TSFM: variants seen among roughly 807,000 people sequenced by gnomAD.
TSFM encodes the protein elongation factor Ts, mitochondrial.
TSFM carries 29 observed loss-of-function variants against 33.4 expected under a neutral mutation model. The observed-to-expected ratio is 0.87, with a 90% CI of 0.65 to 1.18. The LOEUF (loss-of-function observed/expected upper bound fraction) is 1.18, where lower values mean the gene tolerates loss of function less well. Ranked by LOEUF, TSFM falls within the 50% of genes most tolerant of loss-of-function variation. The pLI is 0.00. For missense variants in TSFM, 394 were observed against 395.6 expected, an observed-to-expected ratio of 1.00 and a Z score of 0.04; for synonymous variants, 178 against 163.5, an observed-to-expected ratio of 1.09 and a Z score of -0.68.
chr12:57,790,105 C>G lies in TSFM; in HGVS notation c.484-2881C>G, dbSNP rs574719297. The stretch of plus-strand genomic sequence containing the variant: ...TTGAGACAGAGTGTTGCTGTGTAGC[C>G]CAGGCTGGAGTGCAGTGGCGCGATC... On this transcript the variant is annotated intron_variant, in intron 4 of 5. Coordinates refer to ENST00000652027, the MANE Select transcript of TSFM (RefSeq NM_005726.6). 1.3e-3 allele frequency among the ~76,000 whole-genome samples: 193 copies of G among 143,970 alleles called. 1 individual carries two copies. The highest frequency in any genetic ancestry group is 2.5e-3 in the Non-Finnish European group (166 of 66,648). The allele number at this position is 143,970 out of a possible 152,430, so 94.4% of individuals were successfully genotyped here.
At chr12:57,783,736 G>C in intron 2 of TSFM, 1 of 572,286 alleles carries the variant, frequency 1.7e-6, no homozygotes, top group Non-Finnish European at 3.1e-6. Context: ...TGGGATTACA[G>C]GCGTGCGCCA....
rs1358479408 is a variant in TSFM, at chr12:57,783,859, G to A, written c.231+576G>A. 12 of 667,288 alleles carry A rather than the reference G, an allele frequency of 1.8e-5. No individual in the cohort carries two copies. The East Asian group carries it at 2.2e-4, about 12-fold the overall frequency. The allele number at this position is 667,288 out of a possible 1,614,324, so 41.3% of individuals were successfully genotyped here. A position where few individuals can be genotyped will look rare whatever the true frequency, so the allele number is the denominator to read the frequency against. On this transcript the variant is annotated intron_variant, in intron 2 of 5. Coordinates refer to ENST00000652027, the MANE Select transcript of TSFM (RefSeq NM_005726.6). Reference sequence around the variant, plus strand: ...TCGAACTCCTGGCCTCAGGTGATCCGCCCGCCTCGGCTTCCCAGAGTGGTG... The same window carrying A: ...TCGAACTCCTGGCCTCAGGTGATCCACCCGCCTCGGCTTCCCAGAGTGGTG...
chr12:57,801,272 A>G (rs1276910247), downstream of TSFM: 2 of 1,408,422 alleles, frequency 1.4e-6, no homozygotes, highest in Non-Finnish European at 2.0e-6. Flanking sequence ...GGGACATCTT[A>G]GGTCTGGTCT....
chr12:57,786,832 G>C (rs1955597192), intron 3 of TSFM, among the ~76,000 whole-genome samples: 2 of 152,178 alleles, frequency 1.3e-5, no homozygotes, highest in African/African-American at 4.8e-5. Context: ...GAATATACAG[G>C]CTATTGCTAA....
At chr12:57,798,793 T>C (rs1565827324), downstream of TSFM, among the ~76,000 whole-genome samples, 2 of 152,082 alleles carry the variant, frequency 1.3e-5, no homozygotes, top group South Asian at 4.2e-4. Flanking sequence ...ATTTTTGTAT[T>C]TTTAGTACAG....
chr12:57,798,052 G>C (rs1955771497), downstream of TSFM: 1 of 1,308,204 alleles, frequency 7.6e-7, no homozygotes. Context: ...ATTGCCAACA[G>C]AAGTTGAGGA....
At chr12:57,801,125 A>G (rs1401138399), downstream of TSFM, 2 of 1,611,556 alleles carry the variant, frequency 1.2e-6, no homozygotes, top group South Asian at 2.2e-5. Flanking sequence ...GGCTTCTCCC[A>G]AGAGCGAACC....
chr12:57,796,552 GAGA>G lies in TSFM; in HGVS notation c.950_952del (p.Glu317del). The G allele has an allele frequency of 6.9e-7, 1 of 1,451,346 alleles. No homozygotes were observed. The highest frequency in any genetic ancestry group is 9.1e-7 in the Non-Finnish European group (1 of 1,096,880). The allele number at this position is 1,451,346 out of a possible 1,614,324, so 89.9% of individuals were successfully genotyped here. On this transcript the variant is annotated inframe_deletion, in exon 6 of 6. Transcript: ENST00000652027. Reference sequence around the variant, plus strand: ...GTAGACTTTGTGCGGTTTGAATGTGGAGAAGGTGAAGAGGCAGCAGAAACTGAA... The same window carrying G: ...GTAGACTTTGTGCGGTTTGAATGTGGAGGTGAAGAGGCAGCAGAAACTGAA...
downstream of TSFM, chr12:57,801,017 A>G (rs1490563598): frequency 1.4e-6 from 1 of 710,286 alleles, no homozygotes; most frequent in African/African-American, 1.8e-5. Context: ...AAGTCTTTAC[A>G]TCAAAACAGA....
At position 57,796,750 on chromosome 12, in the gene TSFM, G is replaced by T; in HGVS notation, c.*167G>T. 4 of 1,226,704 alleles carry T rather than the reference G, an allele frequency of 3.3e-6. No homozygotes were observed. Among genetic ancestry groups the T allele is most frequent in the Non-Finnish European group, 4.1e-6 (4 of 985,100 alleles). 76.0% of individuals were successfully genotyped at this position (1,226,704 alleles called of 1,614,324 possible). A position where few individuals can be genotyped will look rare whatever the true frequency, so the allele number is the denominator to read the frequency against. ...CCTTGTTTGCGTAATACTGGATTTA[G>T]CTTTTCTGTGCCTTTCAAAAACAAC... On this transcript the variant is annotated 3_prime_UTR_variant, in exon 6 of 6. Coordinates refer to ENST00000652027, the MANE Select transcript of TSFM (RefSeq NM_005726.6).
chr12:57,802,261 T>C (rs1418302797), downstream of TSFM: 6 of 1,614,086 alleles, frequency 3.7e-6, no homozygotes, highest in African/African-American at 2.7e-5. Flanking sequence ...TCTCGGCCGC[T>C]GGGGTGAGTG....
chr12:57,782,803 TGTC>T lies in TSFM; in HGVS notation c.4_6del (p.Ser2?). 1 of 1,590,588 alleles carries T rather than the reference TGTC, an allele frequency of 6.3e-7. No homozygotes were observed. Among genetic ancestry groups the T allele is most frequent in the Middle Eastern group, 1.7e-4 (1 of 6,026 alleles). On this transcript the variant is annotated start_lost and inframe_deletion, in exon 1 of 6. Transcript: ENST00000652027. The stretch of plus-strand genomic sequence containing the variant: ...AGGGTGTTTATCGCGGCTAGAGAGA[TGTC>T]GCTGCTGCGGTCGCTGCGCGTGTTT...
chr12:57,790,921 G>C (rs1022991246), intron 4 of TSFM, among the ~76,000 whole-genome samples: 18 of 151,262 alleles, frequency 1.2e-4, no homozygotes, highest in Non-Finnish European at 2.5e-4. Context: ...GGCCAGGCTG[G>C]TCTCAAACTC....
chr12:57,799,768 A>C, downstream of TSFM: 1 of 1,613,060 alleles, frequency 6.2e-7, no homozygotes, highest in Non-Finnish European at 8.5e-7. Flanking sequence ...TCCACTTCCA[A>C]CAGACACAGT....
chr12:57,788,267 C>G (rs1055332865), intron 4 of TSFM, among the ~76,000 whole-genome samples: 2 of 146,892 alleles, frequency 1.4e-5, no homozygotes, highest in African/African-American at 5.0e-5. Context: ...CCAGTGTACC[C>G]TTTTTTTTTT....
chr12:57,785,100 G>C (rs1431957784), intron 2 of TSFM, among the ~76,000 whole-genome samples: 2 of 151,508 alleles, frequency 1.3e-5, no homozygotes, highest in African/African-American at 2.4e-5. Context: ...CTAATTTTTT[G>C]TATTTTTAGT....
At chr12:57,790,502 C>T (rs1348687175) in intron 4 of TSFM, among the ~76,000 whole-genome samples, 1 of 152,168 alleles carries the variant, frequency 6.6e-6, no homozygotes, top group Non-Finnish European at 1.5e-5. Context: ...GTTATGTACT[C>T]ATATGTACTA....
At chr12:57,783,042 G>T in intron 1 of TSFM, 68 bp from the exon 2 acceptor site, 1 of 1,552,006 alleles carries the variant, frequency 6.4e-7, no homozygotes, top group Non-Finnish European at 8.7e-7. Flanking sequence ...TCGCTTCCCT[G>T]CCCGTGTACC....
Position 57,782,863 on chromosome 12 carries a change from G to C in TSFM, c.57+5G>C. On this transcript the variant is annotated splice_donor_5th_base_variant and intron_variant, in intron 1 of 5. Transcript: ENST00000652027. ...GCGCGGACCGGGAGCTACCCGGTGA[G>C]AAGTCCTGGTGCTGGTACCGACCTG... 6.3e-7 allele frequency: 1 copy of C among 1,591,638 alleles called. No individual in the cohort carries two copies. Among genetic ancestry groups the C allele is most frequent in the Non-Finnish European group, 8.5e-7 (1 of 1,169,916 alleles).
Sources: allele counts gnomAD v4.1 joint callset (sites outside exome capture counted in the v4.1 genomes callset), GRCh38; gene constraint gnomAD v4.1.1; transcripts MANE v1.5; gene names NCBI Gene and HGNC (gene_info 2026-07-23, HGNC 2026-07-21).